FRYL: variants seen among roughly 807,000 people sequenced by gnomAD.
FRYL encodes protein furry homolog-like.
A neutral mutation model predicts 351.2 loss-of-function variants in FRYL; 150 were observed. That is an observed-to-expected ratio of 0.43 (90% CI 0.37 to 0.49). FRYL has a LOEUF of 0.49. Among genes scored for constraint, FRYL ranks in the 20% least tolerant of loss-of-function variants. The pLI is 0.00. For synonymous variants in FRYL, 1,153 were observed against 1,257.1 expected (o/e 0.92, Z 1.75); for missense variants, 3,036 against 3,619.3 (o/e 0.84, Z 4.13).
chr4:48,627,115 A>G (rs1357083831), intron 4 of FRYL, among the ~76,000 whole-genome samples: 5 of 152,178 alleles, frequency 3.3e-5, no homozygotes, highest in African/African-American at 7.2e-5. Flanking sequence ...CACTTCAGTG[A>G]AACAGTCAGT....
intron 2 of FRYL, among the ~76,000 whole-genome samples, chr4:48,695,500 A>G (rs1366424317): frequency 1.3e-5 from 2 of 152,004 alleles, no homozygotes; most frequent in Admixed American, 1.3e-4. Context: ...ATATATATAT[A>G]TATTTGTATG....
intron 18 of FRYL, among the ~76,000 whole-genome samples, chr4:48,587,550 ATTTTTTT>A (rs552140691): frequency 2.7e-5 from 4 of 147,928 alleles, no homozygotes; most frequent in African/African-American, 5.0e-5. Flanking sequence ...TTTATTTTTT[ATTTTTTT>A]TTTGAGATGG....
At chr4:48,774,708 G>A (rs1302247957) in intron 1 of FRYL, among the ~76,000 whole-genome samples, 2 of 151,990 alleles carry the variant, frequency 1.3e-5, no homozygotes, top group Non-Finnish European at 2.9e-5. Flanking sequence ...ACCACACCCG[G>A]CTAATTTTTT....
chr4:48,521,257 C>A, intron 54 of FRYL, 42 bp from the exon 55 acceptor site: 1 of 1,418,902 alleles, frequency 7.0e-7, no homozygotes, highest in South Asian at 1.3e-5. Flanking sequence ...ATTTATGAGT[C>A]AAAAGCCACA....
At chr4:48,654,542 C>T (rs1758419860) in intron 3 of FRYL, among the ~76,000 whole-genome samples, 1 of 152,078 alleles carries the variant, frequency 6.6e-6, no homozygotes, top group Non-Finnish European at 1.5e-5. Flanking sequence ...ATGGCTGAGC[C>T]CCCATCAGCC....
In FRYL at chr4:48,745,964, A is replaced by T. The variant is rs554953056; in HGVS notation, c.-384+34114T>A. 6.6e-5 allele frequency among the ~76,000 whole-genome samples: 10 copies of T among 152,196 alleles called. No homozygotes were observed. In the Middle Eastern group the frequency reaches 0.01, roughly 155 times the overall value. ...AGGTACTCAGTATCTTAGAGTAAAT[A>T]AAAAAAATATATATGGTGGTTAACT... On this transcript the variant is annotated intron_variant, in intron 1 of 63. Coordinates refer to ENST00000358350, the MANE Select transcript of FRYL (RefSeq NM_015030.2).
Position 48,498,062 on chromosome 4 carries a change from G to A in FRYL, c.*1360C>T, listed in dbSNP as rs528423807. ...GTTTCTTTCAAATCAGGAGTTGTGG[G>A]ACTACATTCTTTTTTTTTTTTTTTC... On this transcript the variant is annotated 3_prime_UTR_variant, in exon 64 of 64. Transcript: ENST00000358350. 10 of 151,672 alleles carry A rather than the reference G, an allele frequency of 6.6e-5. No homozygotes were observed. In the South Asian group the frequency reaches 2.1e-3, roughly 32 times the overall value. 9.4% of individuals were successfully genotyped at this position (151,672 alleles called of 1,614,324 possible).
At chr4:48,586,910 G>A (rs922851162) in intron 18 of FRYL, among the ~76,000 whole-genome samples, 182 bp from the exon 19 acceptor site, 2 of 151,952 alleles carry the variant, frequency 1.3e-5, no homozygotes, top group African/African-American at 4.8e-5. Context: ...AAAGAATACA[G>A]AAATAATTCA....
chr4:48,574,730 T>C (rs1001284866), intron 25 of FRYL, among the ~76,000 whole-genome samples: 4 of 152,196 alleles, frequency 2.6e-5, no homozygotes, highest in Admixed American at 6.5e-5. Flanking sequence ...TTTTGAAAGA[T>C]ACTCTAATTC....
chr4:48,753,301 A>C (rs138216357), intron 1 of FRYL, among the ~76,000 whole-genome samples: 2 of 152,312 alleles, frequency 1.3e-5, no homozygotes, highest in African/African-American at 4.8e-5. Flanking sequence ...CATGTTTACA[A>C]GCTTGTCAGT....
rs117325870 is a variant in FRYL at position 48,632,607 on chromosome 4, T to C, written c.120+1684A>G. Reference sequence around the variant, plus strand: ...CATTATACAATATACACAAAAAATATATATACATTAGTATAAAAATCAATT... The same window carrying C: ...CATTATACAATATACACAAAAAATACATATACATTAGTATAAAAATCAATT... On this transcript the variant is annotated intron_variant, in intron 4 of 63. Transcript: ENST00000358350. Among the ~76,000 whole-genome samples the C allele has an allele frequency of 2.6e-4, 39 of 151,432 alleles. No individual in the cohort carries two copies. In the East Asian group the frequency reaches 3.5e-3, roughly 14 times the overall value.
intron 3 of FRYL, among the ~76,000 whole-genome samples, chr4:48,657,357 T>C (rs1027605363): frequency 2.0e-5 from 3 of 148,680 alleles, no homozygotes; most frequent in African/African-American, 7.3e-5. Flanking sequence ...TCTTTTCTTT[T>C]TTTTTTTTTT....
chr4:48,629,098 A>G (rs945567258), intron 4 of FRYL, among the ~76,000 whole-genome samples: 70 of 151,280 alleles, frequency 4.6e-4, no homozygotes, highest in African/African-American at 1.6e-3. Flanking sequence ...AAAGTTAATA[A>G]TAATTCCAAG....
In FRYL at chr4:48,553,402, T is replaced by C; in HGVS notation, c.4267-19A>G. 6.3e-7 allele frequency: 1 copy of C among 1,586,538 alleles called. No homozygotes were observed. Among genetic ancestry groups the C allele is most frequent in the Admixed American group, 1.8e-5 (1 of 55,636 alleles). ...TCTTCACCTGTCACAAAAGAAATCG[T>C]TCAGAAAAGAAAAAGCAAAGTTTTT... On this transcript the variant is annotated intron_variant, in intron 35 of 63. Transcript: ENST00000358350.
At chr4:48,663,242 T>A (rs762880725) in intron 3 of FRYL, among the ~76,000 whole-genome samples, 1 of 151,890 alleles carries the variant, frequency 6.6e-6, no homozygotes, top group African/African-American at 2.4e-5. Context: ...TTATATTATA[T>A]GTAAAATGTT....
At chr4:48,742,624 G>A (rs1426014421) in intron 1 of FRYL, among the ~76,000 whole-genome samples, 2 of 152,078 alleles carry the variant, frequency 1.3e-5, no homozygotes. Flanking sequence ...TATTAGTCAT[G>A]CACTAGCACA....
At chr4:48,501,966 C>T (rs73144657) in intron 61 of FRYL, among the ~76,000 whole-genome samples, 1,967 of 152,280 alleles carry the variant, frequency 0.013, 45 homozygotes, top group African/African-American at 0.045. Context: ...CACATTTTCA[C>T]ATTCTACAAA....
At chr4:48,618,465 T>C (rs1159579825) in intron 7 of FRYL, 1 of 152,040 alleles carries the variant, frequency 6.6e-6, no homozygotes, top group Non-Finnish European at 1.5e-5. Context: ...TCCAAATGTG[T>C]CATATCCAAA....
At position 48,557,023 on chromosome 4, in the gene FRYL, C is replaced by T; in HGVS notation, c.4221G>A (p.Leu1407=). ...CGCTATTCACCCCACAAATGCTGAT[C>T]AAAAAGTGCAAAATTATTTTCAGGT... The part of the protein sequence containing the change: ...PKNLKIILHF[L]ISICGVNSEP... The change falls in exon 35 of 64, where the codon TTG becomes TTA. Residue 1407 remains leucine (L), a synonymous_variant. Coordinates refer to ENST00000358350, the MANE Select transcript of FRYL (RefSeq NM_015030.2). The T allele has an allele frequency of 1.2e-6, 2 of 1,608,218 alleles. No individual in the cohort carries two copies. Among genetic ancestry groups the T allele is most frequent in the Non-Finnish European group, 1.7e-6 (2 of 1,177,040 alleles).
Sources: gnomAD v4.1 joint callset for allele counts (sites outside exome capture counted in the v4.1 genomes callset) on GRCh38, gnomAD v4.1.1 for gene constraint, MANE v1.5 for transcripts, NCBI Gene and HGNC (gene_info 2026-07-23, HGNC 2026-07-21) for gene names.